Variants in GABRA3 observed in about 807,000 individuals in gnomAD.
GABRA3 encodes the protein gamma-aminobutyric acid type A receptor subunit alpha3, also known as gamma-aminobutyric acid receptor subunit alpha-3.
Under a neutral mutation model 30.1 loss-of-function variants are expected in GABRA3, and 10 were observed. That is an observed-to-expected ratio of 0.33 (90% CI 0.20 to 0.56). GABRA3 has a LOEUF of 0.56. Ranked by LOEUF, GABRA3 falls within the 20% of genes least tolerant of loss-of-function variation. GABRA3 has a pLI of 0.89. For synonymous variants in GABRA3, 151 were observed against 146.8 expected, an observed-to-expected ratio of 1.03 and a Z score of -0.21; for missense variants, 233 against 392.0, an observed-to-expected ratio of 0.59 and a Z score of 3.42.
intron 4 of GABRA3, among the ~76,000 whole-genome samples, chrX:152,276,049 C>G (rs1939078841): frequency 9.1e-6 from 1 of 110,341 alleles, no homozygotes; most frequent in Non-Finnish European, 1.9e-5. Flanking sequence ...GGAGAAAATT[C>G]ATGCAATCAT....
intron 1 of GABRA3, among the ~76,000 whole-genome samples, chrX:152,428,634 G>A (rs899452066): frequency 8.1e-5 from 9 of 110,586 alleles, no homozygotes; most frequent in Non-Finnish European, 1.3e-4. Context: ...AATGCTTGTG[G>A]AAACTGTGTC....
intron 2 of GABRA3, among the ~76,000 whole-genome samples, chrX:152,358,400 T>C (rs1028012521): frequency 8.9e-6 from 1 of 112,098 alleles, no homozygotes; most frequent in African/African-American, 3.2e-5. Flanking sequence ...ATTAATTTTG[T>C]ATCCTGAAAC....
intron 4 of GABRA3, among the ~76,000 whole-genome samples, chrX:152,268,349 T>C (rs1249434237): frequency 1.8e-5 from 2 of 111,860 alleles, no homozygotes; most frequent in East Asian, 2.8e-4. Flanking sequence ...GTTCTCCTGA[T>C]AGTGAATAAG....
Position 152,364,560 on chromosome X carries a change from G to C in GABRA3, c.11C>G (p.Thr4Arg). Residue 4 changes from threonine to arginine, a missense_variant, in exon 2 of 10, where the codon ACA becomes AGA. Thr to Arg is a moderately conservative substitution (Grantham distance 71, BLOSUM62 -1). Transcript: ENST00000370314. MII[T>R]QTSHCYMTSL... ...GGTCATGTAACAGTGACTTGTTTGT[G>C]TGATTATCATCTTCTTAGGCACAAA... is the stretch of plus-strand genomic sequence containing the variant. 1 of 1,205,896 alleles carries C rather than the reference G, an allele frequency of 8.3e-7. No individual in the cohort carries two copies. The highest frequency in any genetic ancestry group is 1.1e-6 in the Non-Finnish European group (1 of 892,410).
At chrX:152,423,870 A>G (rs976857375) in intron 1 of GABRA3, among the ~76,000 whole-genome samples, 15 of 111,528 alleles carry the variant, frequency 1.3e-4, no homozygotes, top group African/African-American at 4.9e-4. Flanking sequence ...AACAAATGTA[A>G]TATTACATTT....
At chrX:152,205,381 A>T (rs948901250) in intron 7 of GABRA3, among the ~76,000 whole-genome samples, 14 of 111,536 alleles carry the variant, frequency 1.3e-4, no homozygotes, top group Non-Finnish European at 3.8e-5. Context: ...TCTTAGGCGG[A>T]TACTTAAACA....
At chrX:152,227,409 C>T (rs1362069821) in intron 5 of GABRA3, among the ~76,000 whole-genome samples, 1 of 98,334 alleles carries the variant, frequency 1.0e-5, no homozygotes, top group Non-Finnish European at 2.0e-5. Flanking sequence ...GGAGGGATAG[C>T]ATTAGGAGAT....
At chrX:152,335,828 T>G (rs187158272) in intron 3 of GABRA3, among the ~76,000 whole-genome samples, 78 of 110,844 alleles carry the variant, frequency 7.0e-4, no homozygotes, top group African/African-American at 2.3e-3. Flanking sequence ...CAAGCGATCC[T>G]GCTACCTCAG....
intron 1 of GABRA3, among the ~76,000 whole-genome samples, chrX:152,425,677 G>T (rs1034607950): frequency 9.0e-6 from 1 of 110,997 alleles, no homozygotes; most frequent in African/African-American, 3.3e-5. Context: ...ATGTTGTGAT[G>T]TGATGTTTGA....
chrX:152,230,854 G>C (rs1460659784), intron 5 of GABRA3, among the ~76,000 whole-genome samples: 4 of 110,231 alleles, frequency 3.6e-5, no homozygotes. Context: ...TTCTAAAGGA[G>C]AACATAGGAG....
intron 9 of GABRA3, 34 bp from the exon 10 acceptor site, chrX:152,168,597 G>GA: frequency 9.6e-7 from 1 of 1,042,539 alleles, no homozygotes; most frequent in Admixed American, 2.4e-5. Flanking sequence ...GGGAAAGGGA[G>GA]AAAAAAGCAA....
chrX:152,337,695 T>C (rs1940254073), intron 3 of GABRA3, among the ~76,000 whole-genome samples: 1 of 110,894 alleles, frequency 9.0e-6, no homozygotes, highest in African/African-American at 3.3e-5. Flanking sequence ...TAAATTAGCC[T>C]GTAGTCCCAG....
intron 1 of GABRA3, among the ~76,000 whole-genome samples, chrX:152,413,959 G>A (rs760957579): frequency 1.5e-4 from 16 of 108,414 alleles, no homozygotes; most frequent in Non-Finnish European, 2.5e-4. Flanking sequence ...ATCAATATGC[G>A]AAAAAAAAAT....
chrX:152,177,140 G>T (rs1295959178), intron 9 of GABRA3, among the ~76,000 whole-genome samples: 2 of 111,775 alleles, frequency 1.8e-5, no homozygotes, highest in Non-Finnish European at 3.8e-5. Flanking sequence ...TACACTTCTG[G>T]AAAATGGGAA....
intron 1 of GABRA3, among the ~76,000 whole-genome samples, chrX:152,418,196 A>G (rs953048180): frequency 4.5e-5 from 5 of 111,222 alleles, no homozygotes; most frequent in African/African-American, 1.6e-4. Flanking sequence ...AACCTAAATG[A>G]CATACTTAAA....
chrX:152,397,213 C>T (rs1360289801), intron 1 of GABRA3, among the ~76,000 whole-genome samples: 1 of 111,641 alleles, frequency 9.0e-6, no homozygotes, highest in Non-Finnish European at 1.9e-5. Flanking sequence ...CTTGTGAGAA[C>T]CACACTCTTT....
At chrX:152,233,342 G>C (rs1160445126) in intron 5 of GABRA3, among the ~76,000 whole-genome samples, 3 of 110,939 alleles carry the variant, frequency 2.7e-5, no homozygotes, top group African/African-American at 9.9e-5. Context: ...TTTGGCTTTT[G>C]TTGCCATTGC....
At chrX:152,341,492 C>T (rs1367363727) in intron 3 of GABRA3, among the ~76,000 whole-genome samples, 1 of 109,877 alleles carries the variant, frequency 9.1e-6, no homozygotes, top group Non-Finnish European at 1.9e-5. Context: ...TATATGCCCA[C>T]TAGCAGTGTA....
chrX:152,237,482 C>G (rs1400499003), intron 5 of GABRA3, among the ~76,000 whole-genome samples: 1 of 100,486 alleles, frequency 1.0e-5, no homozygotes, highest in African/African-American at 3.8e-5. Flanking sequence ...AATGCGGGCT[C>G]TTTTTTGGTT....
Sources: gnomAD v4.1 joint callset for allele counts (sites outside exome capture counted in the v4.1 genomes callset) on GRCh38, gnomAD v4.1.1 for gene constraint, MANE v1.5 for transcripts, NCBI Gene and HGNC (gene_info 2026-07-23, HGNC 2026-07-21) for gene names.